GRM5: variants seen among roughly 807,000 people sequenced by gnomAD.
GRM5 encodes the protein glutamate metabotropic receptor 5.
GRM5 carries 19 observed loss-of-function variants against 83.1 expected under a neutral mutation model. That is an observed-to-expected ratio of 0.23 (90% CI 0.16 to 0.34). GRM5 has a LOEUF of 0.34. Among genes scored for constraint, GRM5 ranks in the 10% least tolerant of loss-of-function variants. GRM5 has a pLI of 1.00. For missense variants in GRM5, 1,160 were observed against 1,588.3 expected (o/e 0.73, Z 4.58); for synonymous variants, 675 against 633.6 (o/e 1.07, Z -0.98).
intron 9 of GRM5, among the ~76,000 whole-genome samples, chr11:88,515,662 G>A (rs1274577932): frequency 6.6e-6 from 1 of 152,120 alleles, no homozygotes; most frequent in African/African-American, 2.4e-5. Flanking sequence ...TAAGTTCTAG[G>A]TCTTAGCTGA....
In GRM5 at chr11:88,533,637, G is replaced by GTAT. The variant is rs535503035; in HGVS notation, c.2631-8236_2631-8234dup. On this transcript the variant is annotated intron_variant, in intron 8 of 9. Coordinates refer to ENST00000305447, the MANE Select transcript of GRM5 (RefSeq NM_001143831.3). ...TGCTATCTTCCCAGTGCCTATGATA[G>GTAT]TATAGGTAATAATATTTATTGAATG... 1.3e-3 allele frequency among the ~76,000 whole-genome samples: 195 copies of GTAT among 152,248 alleles called. 1 individual carries two copies. The highest frequency in any genetic ancestry group is 1.3e-3 in the Non-Finnish European group (90 of 68,012).
chr11:88,967,436 C>T (rs1179104723), intron 2 of GRM5, among the ~76,000 whole-genome samples: 1 of 147,640 alleles, frequency 6.8e-6, no homozygotes, highest in African/African-American at 2.5e-5. Flanking sequence ...TATACTTTGG[C>T]ACCTGGGAAG....
chr11:88,909,021 G>A (rs1457632439), intron 2 of GRM5, among the ~76,000 whole-genome samples: 8 of 152,078 alleles, frequency 5.3e-5, no homozygotes, highest in East Asian at 1.9e-4. Context: ...CTTTGAGGCC[G>A]AAGTCCTTTC....
At chr11:88,565,156 T>A (rs1335763672) in intron 8 of GRM5, among the ~76,000 whole-genome samples, 2 of 152,192 alleles carry the variant, frequency 1.3e-5, no homozygotes, top group Non-Finnish European at 2.9e-5. Flanking sequence ...CATAGAGAGG[T>A]TAAGTGAATT....
chr11:88,973,843 A>G (rs1465426628), intron 2 of GRM5, among the ~76,000 whole-genome samples: 1 of 152,170 alleles, frequency 6.6e-6, no homozygotes, highest in African/African-American at 2.4e-5. Context: ...GTTATACAAC[A>G]GGTCCCTATA....
At chr11:88,822,583 C>A (rs1943818248) in intron 3 of GRM5, among the ~76,000 whole-genome samples, 2 of 152,142 alleles carry the variant, frequency 1.3e-5, no homozygotes, top group Non-Finnish European at 2.9e-5. Context: ...TTTAAGAACT[C>A]AAACAAATTC....
Position 88,509,453 on chromosome 11 carries a change from C to T in GRM5, c.2778G>A (p.Gly926=), listed in dbSNP as rs79345134. ...TWAQNEKSSR[G]QHLWQRLSIH... ...TGGACAGGCGCTGCCACAGGTGCTGCCCCCGGCTGCTCTTCTCATTCTGGG... is the reference window on the plus strand; with the variant it reads ...TGGACAGGCGCTGCCACAGGTGCTGTCCCCGGCTGCTCTTCTCATTCTGGG... The change falls in exon 10 of 10, where the codon GGG becomes GGA. Residue 926 remains glycine, a synonymous_variant. Coordinates refer to ENST00000305447, the MANE Select transcript of GRM5 (RefSeq NM_001143831.3). 2,044 of 1,612,126 alleles carry T rather than the reference C, an allele frequency of 1.3e-3. 21 individuals are homozygous for T. In the African/African-American group the frequency reaches 0.021, roughly 16 times the overall value.
chr11:89,040,464 C>T (rs1357069126), intron 2 of GRM5, among the ~76,000 whole-genome samples: 1 of 152,112 alleles, frequency 6.6e-6, no homozygotes, highest in Non-Finnish European at 1.5e-5. Context: ...AATTCCAGCA[C>T]TTCAGGAGGC....
intron 2 of GRM5, among the ~76,000 whole-genome samples, chr11:88,855,082 T>C (rs1944450981): frequency 6.6e-6 from 1 of 151,922 alleles, no homozygotes; most frequent in Non-Finnish European, 1.5e-5. Context: ...TCTCGTGTGG[T>C]AGGGAAAACT....
At chr11:88,749,090 G>A (rs967114832) in intron 3 of GRM5, among the ~76,000 whole-genome samples, 2 of 152,160 alleles carry the variant, frequency 1.3e-5, no homozygotes, top group Admixed American at 6.5e-5. Context: ...ACTGGACTGA[G>A]GCTGAGATGG....
intron 2 of GRM5, among the ~76,000 whole-genome samples, chr11:88,856,726 C>G (rs1171553068): frequency 6.6e-6 from 1 of 151,928 alleles, no homozygotes; most frequent in Non-Finnish European, 1.5e-5. Context: ...TGCATCACCA[C>G]AAACACATGT....
chr11:88,828,334 T>C (rs1311893409), intron 3 of GRM5, among the ~76,000 whole-genome samples: 2 of 152,188 alleles, frequency 1.3e-5, no homozygotes, highest in East Asian at 3.9e-4. Flanking sequence ...CCAGATATAA[T>C]TGTTTTGTGT....
At chr11:88,747,842 A>G (rs911424893) in intron 3 of GRM5, among the ~76,000 whole-genome samples, 3 of 152,154 alleles carry the variant, frequency 2.0e-5, no homozygotes, top group African/African-American at 7.2e-5. Context: ...AAAATCAATT[A>G]TTCATTGACC....
chr11:88,957,417 A>T (rs925826816), intron 2 of GRM5, among the ~76,000 whole-genome samples: 2 of 152,230 alleles, frequency 1.3e-5, no homozygotes, highest in African/African-American at 4.8e-5. Flanking sequence ...GTGCTGAAGC[A>T]TTAAGTGAGA....
intron 3 of GRM5, among the ~76,000 whole-genome samples, chr11:88,795,893 TAGA>T (rs1943266067): frequency 6.6e-6 from 1 of 152,174 alleles, no homozygotes; most frequent in Non-Finnish European, 1.5e-5. Flanking sequence ...AGAGACATTT[TAGA>T]AGCTTTCTTG....
At chr11:88,626,894 G>A (rs1938811839) in intron 4 of GRM5, among the ~76,000 whole-genome samples, 3 of 152,136 alleles carry the variant, frequency 2.0e-5, no homozygotes, top group Non-Finnish European at 4.4e-5. Flanking sequence ...GAGGCTGTCT[G>A]TAGGCTGGAA....
At chr11:88,987,314 C>T (rs549770229) in intron 2 of GRM5, among the ~76,000 whole-genome samples, 28 of 152,160 alleles carry the variant, frequency 1.8e-4, no homozygotes, top group Admixed American at 6.5e-4. Context: ...GCTTAAAAAA[C>T]GGCACACCAC....
In GRM5 at chr11:88,688,982, C is replaced by T. The variant is rs567725018; in HGVS notation, c.912-35579G>A. ...AAATACTAAAAGCACCCATATAAAA[C>T]GGACACGAAATGAAAGGGGTCATTG... On this transcript the variant is annotated intron_variant, in intron 3 of 9. Coordinates refer to ENST00000305447, the MANE Select transcript of GRM5 (RefSeq NM_001143831.3). Among the ~76,000 whole-genome samples, 25 of 151,960 alleles carry T rather than the reference C, an allele frequency of 1.6e-4. No homozygotes were observed. In the South Asian group the frequency reaches 2.5e-3, roughly 15 times the overall value.
chr11:88,568,562 T>C (rs543052524), intron 7 of GRM5, among the ~76,000 whole-genome samples: 1 of 152,084 alleles, frequency 6.6e-6, no homozygotes, highest in Non-Finnish European at 1.5e-5. Flanking sequence ...CCTAGATCAG[T>C]AGGAAGTTAT....
Sources: allele counts gnomAD v4.1 joint callset (sites outside exome capture counted in the v4.1 genomes callset), GRCh38; gene constraint gnomAD v4.1.1; transcripts MANE v1.5; gene names NCBI Gene and HGNC (gene_info 2026-07-23, HGNC 2026-07-21).